Variants in CPT1C observed in about 807,000 individuals in gnomAD.
CPT1C encodes carnitine palmitoyltransferase 1C, also known as palmitoyl thioesterase CPT1C.
CPT1C carries 61 observed loss-of-function variants against 97.3 expected under a neutral mutation model. The ratio of observed to expected loss-of-function variants is 0.63; its 90% CI spans 0.51 to 0.78. CPT1C has a LOEUF of 0.78. Among genes scored for constraint, CPT1C ranks in the 30% least tolerant of loss-of-function variants. CPT1C has a pLI of 0.00. For missense variants in CPT1C, 975 were observed against 1,065.5 expected (o/e 0.92, Z 1.18); for synonymous variants, 469 against 447.2 (o/e 1.05, Z -0.61).
rs2083927033 is a variant in CPT1C, at chr19:49,712,168, C to CCAG, written c.2019+208_2019+209insAGC. The CCAG allele has an allele frequency of 5.2e-6, 3 of 578,794 alleles. No individual in the cohort carries two copies. The African/African-American group carries it at 5.6e-5, about 11-fold the overall frequency. The allele number at this position is 578,794 out of a possible 1,614,324, so 35.9% of individuals were successfully genotyped here. A position where few individuals can be genotyped will look rare whatever the true frequency, so the allele number is the denominator to read the frequency against. ...GACCAGCCTGGCCAACTTGGCGAAACCCTGTCTCTACTAAAAATACAAAAA... is the reference window on the plus strand; with the variant it reads ...GACCAGCCTGGCCAACTTGGCGAAACCAGCCTGTCTCTACTAAAAATACAAAAA... On this transcript the variant is annotated intron_variant, in intron 17 of 19. Transcript: ENST00000598293.
At position 49,706,383 on chromosome 19, in the gene CPT1C, A is replaced by T. The variant is rs2083501328; in HGVS notation, c.1313A>T (p.His438Leu). ...GCAGCGTCGTTGGATGCCTACGCCCATGCTCTGCTGGCCGGCCGGGGCCAT... is the reference window on the plus strand; with the variant it reads ...GCAGCGTCGTTGGATGCCTACGCCCTTGCTCTGCTGGCCGGCCGGGGCCAT... ...DPAASLDAYA[H>L]ALLAGRGHDR... is the part of the protein sequence containing the mutation. The change falls in exon 12 of 20, where the codon CAT becomes CTT. Residue 438 changes from histidine (H) to leucine (L), a missense_variant. Transcript: ENST00000598293. The surrounding 1 kb of genome is among the most constrained non-coding windows in gnomAD (Gnocchi z 4.8). 1 of 1,507,178 alleles carries T rather than the reference A, an allele frequency of 6.6e-7. No individual in the cohort carries two copies. 93.4% of individuals were successfully genotyped at this position (1,507,178 alleles called of 1,614,324 possible).
At chr19:49,697,774 A>G (rs1401498433) in intron 4 of CPT1C, 4 of 242,620 alleles carry the variant, frequency 1.6e-5, no homozygotes, top group Non-Finnish European at 3.2e-5. Context: ...TAGGCCAGGC[A>G]TGGTGGCTCA....
chr19:49,713,357 G>A, intron 19 of CPT1C, 63 bp from the exon 20 acceptor site: 1 of 1,469,270 alleles, frequency 6.8e-7, no homozygotes. Context: ...TAGCCCTCTT[G>A]TTTCTCAGCC....
rs1162689323 is a variant in CPT1C at position 49,692,278 on chromosome 19, G to C, written c.26G>C (p.Gly9Ala). 1.9e-6 allele frequency: 3 copies of C among 1,613,904 alleles called. No homozygotes were observed. The highest frequency in any genetic ancestry group is 2.5e-6 in the Non-Finnish European group (3 of 1,180,020). ...ATGGCTGAAGCGCACCAGGCCGTGG[G>C]CTTCCGACCCTCGCTGACCTCGGAC... MAEAHQAV[G>A]FRPSLTSDGA... Residue 9 changes from glycine to alanine, a missense_variant, in exon 3 of 20, where the codon GGC becomes GCC. By Grantham distance (60) the Gly-to-Ala change is moderately conservative. Transcript: ENST00000598293.
chr19:49,703,578 T>TCCCTCCCA (rs2083322453), intron 7 of CPT1C, among the ~76,000 whole-genome samples: 1 of 38,298 alleles, frequency 2.6e-5, no homozygotes, highest in Non-Finnish European at 4.7e-5. Flanking sequence ...CCTCCCTCCC[T>TCCCTCCCA]CCCTCCCTCC....
intron 18 of CPT1C, 59 bp from the exon 19 acceptor site, chr19:49,712,913 C>T: frequency 6.3e-7 from 1 of 1,590,538 alleles, no homozygotes; most frequent in Non-Finnish European, 8.6e-7. Flanking sequence ...TGCACTCCTG[C>T]ATAGTGGGGG....
rs1568517323 is a variant in CPT1C, at chr19:49,701,361, T to G, written c.498T>G (p.Ser166Arg). The G allele has an allele frequency of 1.2e-6, 2 of 1,613,616 alleles. No homozygotes were observed. The highest frequency in any genetic ancestry group is 1.7e-6 in the Non-Finnish European group (2 of 1,179,952). The change falls in exon 6 of 20, where the codon AGT becomes AGG. Residue 166 changes from serine (S) to arginine (R), a missense_variant. Ser to Arg is a moderately radical substitution (Grantham distance 110, BLOSUM62 -1). This residue lies in a region of CPT1C where 596 missense variants were observed against 603.1 expected (regional missense o/e 0.99). Transcript: ENST00000598293. ...IFSGRHPMLF[S>R]YQRSLPRQPV... Reference sequence around the variant, plus strand: ...CTGGCCGCCACCCGATGCTGTTCAGTTACCAGCGCTCCCTGCCACGCCAGC... The same window carrying G: ...CTGGCCGCCACCCGATGCTGTTCAGGTACCAGCGCTCCCTGCCACGCCAGC...
At chr19:49,692,612 C>T (rs73934028) in intron 3 of CPT1C, among the ~76,000 whole-genome samples, 1,891 of 152,336 alleles carry the variant, frequency 0.012, 44 homozygotes, top group African/African-American at 0.043. Context: ...CTGCTCACTT[C>T]TTTCACCCAA....
intron 7 of CPT1C, among the ~76,000 whole-genome samples, chr19:49,702,105 AATATATATTTATTTATTTATAAATT>A (rs2083186430): frequency 8.4e-6 from 1 of 118,400 alleles, no homozygotes; most frequent in African/African-American, 3.2e-5. Context: ...ATAAATTATA[AATATATATTTATTTATTTATAAATT>A]ATAAATAAAT....
Position 49,697,450 on chromosome 19 carries a change from A to C in CPT1C, c.266A>C (p.Glu89Ala), listed in dbSNP as rs2082732142. 2 of 1,613,922 alleles carry C rather than the reference A, an allele frequency of 1.2e-6. No homozygotes were observed. Among genetic ancestry groups the C allele is most frequent in the Non-Finnish European group, 8.5e-7 (1 of 1,179,976 alleles). ...TTAGGACTGATGGAGAAGATCAAAG[A>C]GTTGCTGCCTGACTGGTGAGGTCCC... ...PSLGLMEKIK[E>A]LLPDWGGQHH... Residue 89 changes from glutamate to alanine, a missense_variant, in exon 4 of 20, where the codon GAG becomes GCG. Glu to Ala is a moderately radical substitution (Grantham distance 107, BLOSUM62 -1). Coordinates refer to ENST00000598293, the MANE Select transcript of CPT1C (RefSeq NM_001199753.2).
chr19:49,700,651 A>G, intron 4 of CPT1C, 33 bp from the exon 5 acceptor site: 1 of 1,597,000 alleles, frequency 6.3e-7, no homozygotes, highest in Non-Finnish European at 8.5e-7. Context: ...AGGCCAGGAG[A>G]CCCAGGCCCA....
chr19:49,694,087 AAAATAAAT>A (rs143173653), intron 3 of CPT1C, among the ~76,000 whole-genome samples: 14,613 of 107,432 alleles, frequency 0.14, 1,601 homozygotes, highest in African/African-American at 0.29. Flanking sequence ...AATAAAATAA[AAAATAAAT>A]AAATAAATAA....
chr19:49,708,002 CAAAAAAAA>C (rs60276067), intron 13 of CPT1C, among the ~76,000 whole-genome samples: 9 of 56,786 alleles, frequency 1.6e-4, no homozygotes, highest in East Asian at 6.7e-4. Flanking sequence ...GAATACATCT[CAAAAAAAA>C]AAAAAAAAAA....
At chr19:49,701,740 C>A in intron 7 of CPT1C, 106 bp downstream of exon 7, 1 of 1,315,920 alleles carries the variant, frequency 7.6e-7, no homozygotes, top group Non-Finnish European at 1.0e-6. Context: ...CGCCCACAAC[C>A]CACACGCCCC....
intron 4 of CPT1C, among the ~76,000 whole-genome samples, chr19:49,698,273 G>A (rs1054601148): frequency 1.3e-5 from 2 of 151,624 alleles, no homozygotes; most frequent in African/African-American, 4.8e-5. Flanking sequence ...AGGCTGAGGT[G>A]GAGATCACCT....
At position 49,701,539 on chromosome 19, in the gene CPT1C, G is replaced by A. The variant is rs759904221; in HGVS notation, c.598G>A (p.Asp200Asn). The A allele has an allele frequency of 4.2e-5, 67 of 1,612,296 alleles. No individual in the cohort carries two copies. In the Middle Eastern group the frequency reaches 1.5e-3, roughly 36 times the overall value. ...GCCCATCCTCTCCGACGAGGACTTC[G>A]ACTGGACCGCGGTCCTGGCGCAGGA... ...VRPILSDEDF[D>N]WTAVLAQEFL... The change falls in exon 7 of 20, where the codon GAC (aspartate) becomes AAC (asparagine). Residue 200 changes from aspartate (D) to asparagine (N), a missense_variant. Physicochemically the swap from Asp to Asn is conservative, Grantham distance 23. Transcript: ENST00000598293.
chr19:49,697,047 C>T (rs537167356), intron 3 of CPT1C, among the ~76,000 whole-genome samples: 63 of 152,350 alleles, frequency 4.1e-4, no homozygotes, highest in Non-Finnish European at 8.1e-4. Context: ...CAGGTCCTGC[C>T]TCAGAATATC....
Position 49,711,949 on chromosome 19 carries a change from C to T in CPT1C, c.2007C>T (p.Pro669=), listed in dbSNP as rs2083912815. 1.2e-6 allele frequency: 2 copies of T among 1,613,814 alleles called. No homozygotes were observed. The highest frequency in any genetic ancestry group is 1.3e-5 in the African/African-American group (1 of 74,942). Residue 669 remains proline (P), a synonymous_variant, in exon 17 of 20, where the codon CCC becomes CCT. Transcript: ENST00000598293. ...CCCGATTCCTCCACCTGCAGTCGCCCTTCCTGACCCAGGTTGGGGCACAGG... is the reference window on the plus strand; with the variant it reads ...CCCGATTCCTCCACCTGCAGTCGCCTTTCCTGACCCAGGTTGGGGCACAGG... The part of the protein sequence containing the change: ...IVSRFLHLQS[P]FLTQVHSEQW...
chr19:49,712,658 G>A (rs927629639), intron 17 of CPT1C, 78 bp from the exon 18 acceptor site: 11 of 1,074,164 alleles, frequency 1.0e-5, no homozygotes, highest in Non-Finnish European at 1.6e-5. Context: ...AAAAGCCAGG[G>A]ATGCAGGGAG....
Sources: allele counts gnomAD v4.1 joint callset (sites outside exome capture counted in the v4.1 genomes callset), GRCh38; gene constraint gnomAD v4.1.1; regional missense constraint gnomAD v4.1.1; non-coding constraint Gnocchi (gnomAD v3.1); transcripts MANE v1.5; gene names NCBI Gene and HGNC (gene_info 2026-07-23, HGNC 2026-07-21).